The following EPHA6 variants were observed in gnomAD, a reference collection of about 807,000 sequenced individuals.
The protein encoded by EPHA6 is ephrin type-A receptor 6.
In EPHA6, 50 loss-of-function variants were observed where a neutral mutation model predicts 112.0. That is an observed-to-expected ratio of 0.45 (90% confidence interval 0.36 to 0.56). EPHA6 has a LOEUF of 0.56. Ranked by LOEUF, EPHA6 falls within the 20% of genes least tolerant of loss-of-function variation. The probability of loss-of-function intolerance (pLI) is 0.00; values close to 1 mark genes in which losing one functional copy is unlikely to be tolerated. For synonymous variants in EPHA6, 529 were observed against 490.7 expected (o/e 1.08, Z -1.03); for missense variants, 1,280 against 1,417.4 (o/e 0.90, Z 1.56).
intron 3 of EPHA6, among the ~76,000 whole-genome samples, chr3:97,022,866 T>C (rs1489756166): frequency 1.3e-5 from 2 of 152,214 alleles, no homozygotes; most frequent in African/African-American, 4.8e-5. Context: ...TACCTTTTCT[T>C]TGTTTTCTGC....
intron 3 of EPHA6, among the ~76,000 whole-genome samples, chr3:97,154,567 A>T (rs1576584264): frequency 6.6e-6 from 1 of 152,148 alleles, no homozygotes; most frequent in African/African-American, 2.4e-5. Context: ...TGTGCAAGAG[A>T]TCTCAAAAAT....
intron 3 of EPHA6, among the ~76,000 whole-genome samples, chr3:97,212,173 T>C (rs2077894839): frequency 6.6e-6 from 1 of 152,138 alleles, no homozygotes; most frequent in Non-Finnish European, 1.5e-5. Context: ...AATCTCTGAC[T>C]AGGGGATAAA....
At chr3:97,376,589 G>A (rs2085374071) in intron 5 of EPHA6, among the ~76,000 whole-genome samples, 1 of 152,154 alleles carries the variant, frequency 6.6e-6, no homozygotes, top group African/African-American at 2.4e-5. Flanking sequence ...GAGAGCTTTT[G>A]GCTTTTCCCA....
At chr3:97,398,188 A>G (rs1019471393) in intron 5 of EPHA6, among the ~76,000 whole-genome samples, 1 of 151,498 alleles carries the variant, frequency 6.6e-6, no homozygotes, top group Non-Finnish European at 1.5e-5. Flanking sequence ...GTGCTAAATC[A>G]TTATGAAGCA....
Position 97,479,322 on chromosome 3 carries a change from A to G in EPHA6, c.2032A>G (p.Lys678Glu). ...TCAGTGGTACATAAAAGCCAAGATG[A>G]AGTCAGAAGAGAAGAGAAGAAACCA... ...RCQWYIKAKMKSEEKRRNHLQ... is the reference protein window; with the variant it reads ...RCQWYIKAKMESEEKRRNHLQ... Residue 678 changes from lysine (K) to glutamate (E), a missense_variant, in exon 9 of 18, where the codon AAG (lysine) becomes GAG (glutamate). By Grantham distance (56) the Lys-to-Glu change is moderately conservative. Around this residue, in one of 4 missense-constraint regions of EPHA6, gnomAD observed 878 missense variants for 999.7 expected, o/e 0.88. Coordinates refer to ENST00000389672, the MANE Select transcript of EPHA6 (RefSeq NM_001080448.3). The G allele has an allele frequency of 6.2e-7, 1 of 1,603,568 alleles. No individual in the cohort carries two copies.
At chr3:97,044,154 T>G (rs555215275) in intron 3 of EPHA6, among the ~76,000 whole-genome samples, 42 of 152,356 alleles carry the variant, frequency 2.8e-4, no homozygotes, top group African/African-American at 8.4e-4. Flanking sequence ...AAGTCCTTTT[T>G]ATGTTTTAGG....
chr3:96,984,600 G>A (rs953041705), intron 2 of EPHA6, among the ~76,000 whole-genome samples: 1 of 152,210 alleles, frequency 6.6e-6, no homozygotes, highest in East Asian at 1.9e-4. Context: ...GGACATTTAA[G>A]TCTGCAGAGG....
chr3:96,850,709 AG>A (rs2107368189), intron 1 of EPHA6, among the ~76,000 whole-genome samples: 1 of 151,870 alleles, frequency 6.6e-6, no homozygotes, highest in East Asian at 1.9e-4. Flanking sequence ...AGAAAAGAAC[AG>A]AGTTGTATGA....
At chr3:96,855,171 CTTTTAAGGACCT>C (rs1480511598) in intron 1 of EPHA6, among the ~76,000 whole-genome samples, 4 of 152,128 alleles carry the variant, frequency 2.6e-5, no homozygotes, top group African/African-American at 9.7e-5. Context: ...CTCTCTTCTA[CTTTTAAGGACCT>C]TTGTTATTAC....
chr3:97,263,369 A>G (rs971115977), intron 5 of EPHA6, among the ~76,000 whole-genome samples: 1 of 151,896 alleles, frequency 6.6e-6, no homozygotes, highest in Non-Finnish European at 1.5e-5. Flanking sequence ...GGAATATATG[A>G]TTAAATAAAG....
At chr3:96,858,359 T>C (rs1374297133) in intron 1 of EPHA6, among the ~76,000 whole-genome samples, 1 of 152,054 alleles carries the variant, frequency 6.6e-6, no homozygotes, top group East Asian at 1.9e-4. Context: ...GAAATATGAC[T>C]TGACCAAGCA....
At chr3:97,652,220 A>G (rs1355873878) in intron 14 of EPHA6, among the ~76,000 whole-genome samples, 1 of 152,132 alleles carries the variant, frequency 6.6e-6, no homozygotes, top group Non-Finnish European at 1.5e-5. Flanking sequence ...ACAGCTAAGA[A>G]GGAAAACATG....
At chr3:97,652,431 A>G (rs1312004622) in intron 14 of EPHA6, among the ~76,000 whole-genome samples, 1 of 152,090 alleles carries the variant, frequency 6.6e-6, no homozygotes, top group Non-Finnish European at 1.5e-5. Context: ...GATGTTTTCA[A>G]TGAGCTCAGA....
chr3:96,939,573 T>G (rs2040815490), intron 2 of EPHA6, among the ~76,000 whole-genome samples: 1 of 152,214 alleles, frequency 6.6e-6, no homozygotes, highest in Non-Finnish European at 1.5e-5. Context: ...ATTCATTAAC[T>G]TTTTGAAGGG....
intron 14 of EPHA6, among the ~76,000 whole-genome samples, chr3:97,680,415 G>A (rs1274885495): frequency 6.6e-6 from 1 of 152,166 alleles, no homozygotes; most frequent in Non-Finnish European, 1.5e-5. Flanking sequence ...GTACATGACT[G>A]TCTCTCTGAT....
chr3:97,551,656 C>T (rs762573696), intron 11 of EPHA6, among the ~76,000 whole-genome samples: 8 of 152,092 alleles, frequency 5.3e-5, no homozygotes, highest in Non-Finnish European at 1.2e-4. Context: ...ATACAACGAG[C>T]TATAGCACCT....
chr3:96,840,921 A>T (rs1030422462), intron 1 of EPHA6, among the ~76,000 whole-genome samples: 3 of 152,142 alleles, frequency 2.0e-5, no homozygotes, highest in Admixed American at 6.5e-5. Context: ...AAAAGTAAAA[A>T]CAAAAATTAT....
At chr3:97,649,806 G>T (rs961067566) in intron 14 of EPHA6, among the ~76,000 whole-genome samples, 1 of 151,366 alleles carries the variant, frequency 6.6e-6, no homozygotes. Flanking sequence ...ATAGTTCTAT[G>T]ATAGATGCTA....
At chr3:96,942,072 TGAG>T (rs2040986722) in intron 2 of EPHA6, among the ~76,000 whole-genome samples, 1 of 152,160 alleles carries the variant, frequency 6.6e-6, no homozygotes, top group Non-Finnish European at 1.5e-5. Flanking sequence ...GGGACCCACT[TGAG>T]GAGGCAGTCT....
Sources: allele counts gnomAD v4.1 joint callset (sites outside exome capture counted in the v4.1 genomes callset), GRCh38; gene constraint gnomAD v4.1.1; regional missense constraint gnomAD v4.1.1; transcripts MANE v1.5; gene names NCBI Gene and HGNC (gene_info 2026-07-23, HGNC 2026-07-21).